Variants in VGLL4 observed in about 807,000 individuals in gnomAD.
VGLL4 encodes the protein transcription cofactor vestigial-like protein 4.
A neutral mutation model predicts 21.0 loss-of-function variants in VGLL4; 7 were observed. The ratio of observed to expected loss-of-function variants is 0.33; its 90% CI spans 0.19 to 0.63. The LOEUF is 0.63. Ranked by LOEUF, VGLL4 falls within the 20% of genes least tolerant of loss-of-function variation. The probability of loss-of-function intolerance (pLI) is 0.78; values close to 1 mark genes in which losing one functional copy is unlikely to be tolerated. For synonymous variants in VGLL4, 222 were observed against 173.2 expected (o/e 1.28, Z -2.21); for missense variants, 394 against 425.7 (o/e 0.93, Z 0.66).
chr3:11,693,045 C>G, intron 2 of VGLL4: 1 of 185,526 alleles, frequency 5.4e-6, no homozygotes, highest in Non-Finnish European at 1.2e-5. Context: ...TGGTGTGTAC[C>G]TGTGGTCCCA....
intron 2 of VGLL4, among the ~76,000 whole-genome samples, chr3:11,662,155 A>C (rs1272050253): frequency 1.3e-5 from 2 of 152,194 alleles, no homozygotes. Flanking sequence ...AGTCAGCCCA[A>C]AGACAGGGCC....
chr3:11,617,891 G>A (rs2075193793), intron 1 of VGLL4, among the ~76,000 whole-genome samples: 1 of 152,184 alleles, frequency 6.6e-6, no homozygotes, highest in Non-Finnish European at 1.5e-5. Context: ...ACGTTTTTAT[G>A]TACTAATAAG....
rs2072778177 is a variant in VGLL4 at position 11,559,585 on chromosome 3, C to T, written c.496-130G>A. 3 of 1,337,976 alleles carry T rather than the reference C, an allele frequency of 2.2e-6. 1 individual carries two copies. Among genetic ancestry groups the T allele is most frequent in the South Asian group, 3.3e-5 (2 of 60,416 alleles). The allele number at this position is 1,337,976 out of a possible 1,614,324, so 82.9% of individuals were successfully genotyped here. On this transcript the variant is annotated intron_variant, in intron 3 of 4. Coordinates refer to ENST00000430365, the MANE Select transcript of VGLL4 (RefSeq NM_001128219.3). Reference sequence around the variant, plus strand: ...TGACCCAGTCTGCCACCTCCCACTTCAATACTGGAGTCCTGTTGCTAAACA... The same window carrying T: ...TGACCCAGTCTGCCACCTCCCACTTTAATACTGGAGTCCTGTTGCTAAACA...
intron 2 of VGLL4, among the ~76,000 whole-genome samples, chr3:11,681,948 G>A (rs554530877): frequency 1.3e-5 from 2 of 152,298 alleles, no homozygotes; most frequent in African/African-American, 4.8e-5. Context: ...AAGACAAAGT[G>A]GGACACAGTT....
chr3:11,557,567 G>A lies in VGLL4; in HGVS notation c.*989C>T, dbSNP rs1204319373. 6.6e-6 allele frequency: 1 copy of A among 152,566 alleles called. No homozygotes were observed. Among genetic ancestry groups the A allele is most frequent in the African/African-American group, 2.4e-5 (1 of 41,472 alleles). The allele number at this position is 152,566 out of a possible 1,614,324, so 9.5% of individuals were successfully genotyped here. A position where few individuals can be genotyped will look rare whatever the true frequency, so the allele number is the denominator to read the frequency against. On this transcript the variant is annotated 3_prime_UTR_variant, in exon 5 of 5. Transcript: ENST00000430365. Reference sequence around the variant, plus strand: ...AGCTGGCCTCCCGCACTACTTGTGAGTAAAGTGAATATCAAATACCAATCT... The same window carrying A: ...AGCTGGCCTCCCGCACTACTTGTGAATAAAGTGAATATCAAATACCAATCT...
chr3:11,576,751 G>T (rs901341075), intron 2 of VGLL4, among the ~76,000 whole-genome samples: 1 of 152,158 alleles, frequency 6.6e-6, no homozygotes, highest in Admixed American at 6.5e-5. Flanking sequence ...TCTGAGCTCC[G>T]CTGGAAAGGC....
rs111538794 is a variant in VGLL4, at chr3:11,619,983, C to T, written c.83-17961G>A. Among the ~76,000 whole-genome samples the T allele has an allele frequency of 2.8e-3, 421 of 152,214 alleles. 4 individuals are homozygous for T. Among genetic ancestry groups the T allele is most frequent in the African/African-American group, 9.8e-3 (408 of 41,512 alleles). ...AGGGAATTGACTGGGTTTCTCCTCC[C>T]TATAGTTTATTGTTAGTGGTGGCAG... is the stretch of plus-strand genomic sequence containing the variant. On this transcript the variant is annotated intron_variant, in intron 1 of 4. Coordinates refer to ENST00000430365, the MANE Select transcript of VGLL4 (RefSeq NM_001128219.3).
intron 2 of VGLL4, chr3:11,671,360 A>G (rs760413640): frequency 3.5e-6 from 4 of 1,136,036 alleles, no homozygotes; most frequent in South Asian, 2.4e-5. Flanking sequence ...AGCGAGGACT[A>G]CGATTCTGCA....
chr3:11,659,726 G>A (rs1368755698), intron 2 of VGLL4, among the ~76,000 whole-genome samples: 5 of 152,198 alleles, frequency 3.3e-5, no homozygotes, highest in Non-Finnish European at 7.3e-5. Flanking sequence ...GCAGGTTTGA[G>A]GAATGCGGCA....
intron 2 of VGLL4, among the ~76,000 whole-genome samples, chr3:11,700,588 G>A (rs1349814889): frequency 2.0e-5 from 3 of 151,998 alleles, no homozygotes; most frequent in Non-Finnish European, 4.4e-5. Context: ...GGCCTGACAC[G>A]ATGTCCTCCT....
intron 1 of VGLL4, chr3:11,604,209 G>T: frequency 4.2e-6 from 1 of 235,492 alleles, no homozygotes; most frequent in Non-Finnish European, 6.8e-6. Flanking sequence ...GGTGGTAAAT[G>T]CGTGCTGTAG....
At chr3:11,615,734 A>T (rs967875826) in intron 1 of VGLL4, among the ~76,000 whole-genome samples, 2 of 152,192 alleles carry the variant, frequency 1.3e-5, no homozygotes, top group Non-Finnish European at 2.9e-5. Context: ...GTGCAGAGCT[A>T]AGCTGGATTA....
chr3:11,676,011 T>G (rs1478926471), intron 2 of VGLL4, among the ~76,000 whole-genome samples: 1 of 152,216 alleles, frequency 6.6e-6, no homozygotes, highest in African/African-American at 2.4e-5. Context: ...TTTATCTTAG[T>G]TACACACCAT....
In VGLL4 at chr3:11,564,976, G is replaced by T. The variant is rs770255394; in HGVS notation, c.316C>A (p.Arg106=). 1.3e-6 allele frequency: 2 copies of T among 1,531,884 alleles called. No homozygotes were observed. Among genetic ancestry groups the T allele is most frequent in the Non-Finnish European group, 1.8e-6 (2 of 1,140,548 alleles). The allele number at this position is 1,531,884 out of a possible 1,614,324, so 94.9% of individuals were successfully genotyped here. Residue 106 remains arginine, a synonymous_variant, in exon 3 of 5, where the codon CGG becomes AGG. Coordinates refer to ENST00000430365, the MANE Select transcript of VGLL4 (RefSeq NM_001128219.3). ...GCGCGCTCGATGGGGCTGCGGCTCC[G>T]CTCCCGGGGGTCTCTGCGGCAGTCT... ...NGDCRRDPRE[R]SRSPIERAVA... is the part of the protein sequence containing the mutation.
chr3:11,591,982 C>T (rs2074510490), intron 2 of VGLL4, among the ~76,000 whole-genome samples: 1 of 152,214 alleles, frequency 6.6e-6, no homozygotes, highest in Non-Finnish European at 1.5e-5. Context: ...CATAAAATAT[C>T]CTCTTAAATC....
intron 2 of VGLL4, among the ~76,000 whole-genome samples, chr3:11,583,839 A>C (rs1347519691): frequency 6.6e-6 from 1 of 152,066 alleles, no homozygotes; most frequent in Non-Finnish European, 1.5e-5. Flanking sequence ...CCCCAAGCAT[A>C]CTCATATCTC....
At chr3:11,560,555 C>T (rs1477063830) in intron 3 of VGLL4, among the ~76,000 whole-genome samples, 2 of 152,220 alleles carry the variant, frequency 1.3e-5, no homozygotes, top group African/African-American at 4.8e-5. Context: ...GCCAGACCTT[C>T]TCATGATAGA....
chr3:11,713,184 G>A (rs1405716166), intron 1 of VGLL4, among the ~76,000 whole-genome samples: 3 of 152,182 alleles, frequency 2.0e-5, no homozygotes, highest in Non-Finnish European at 4.4e-5. Flanking sequence ...AAGGTTCAGT[G>A]AGAACATTTT....
chr3:11,579,576 T>C (rs899430624), intron 2 of VGLL4, among the ~76,000 whole-genome samples: 3 of 152,186 alleles, frequency 2.0e-5, no homozygotes, highest in African/African-American at 7.2e-5. Flanking sequence ...GTGTGCAGTG[T>C]GGAAGACTGA....
Sources: allele counts gnomAD v4.1 joint callset (sites outside exome capture counted in the v4.1 genomes callset), GRCh38; gene constraint gnomAD v4.1.1; transcripts MANE v1.5; gene names NCBI Gene and HGNC (gene_info 2026-07-23, HGNC 2026-07-21).